The following EML1 variants were observed in gnomAD, a reference collection of about 807,000 sequenced individuals.
EML1 encodes echinoderm microtubule-associated protein-like 1.
Under a neutral mutation model 110.4 loss-of-function variants are expected in EML1, and 27 were observed. That is an observed-to-expected ratio of 0.24 (90% confidence interval 0.18 to 0.34). EML1 has a LOEUF of 0.34. EML1 is among the 10% of genes least tolerant of loss of function. The pLI, the probability that EML1 is intolerant of heterozygous loss-of-function variation, is 1.00. For synonymous variants in EML1, 344 were observed against 385.8 expected (o/e 0.89, Z 1.27); for missense variants, 741 against 1,030.9 (o/e 0.72, Z 3.85).
chr14:99,871,527 A>G (rs2059205113), intron 3 of EML1, among the ~76,000 whole-genome samples: 1 of 152,088 alleles, frequency 6.6e-6, no homozygotes, highest in South Asian at 2.1e-4. Flanking sequence ...GAAAAAAAAA[A>G]AAAAGAACAT....
intron 1 of EML1, among the ~76,000 whole-genome samples, chr14:99,800,363 ATTAT>A (rs2057852631): frequency 1.3e-5 from 2 of 151,372 alleles, no homozygotes; most frequent in African/African-American, 2.4e-5. Flanking sequence ...AGTTTAATTA[ATTAT>A]TTATTTTTTA....
intron 10 of EML1, among the ~76,000 whole-genome samples, chr14:99,908,064 G>A (rs753510888): frequency 1.3e-5 from 2 of 152,196 alleles, no homozygotes; most frequent in Admixed American, 6.5e-5. Flanking sequence ...GTGCTCGCAC[G>A]GCACGTGGAG....
intron 1 of EML1, among the ~76,000 whole-genome samples, chr14:99,785,380 A>G (rs1595277283): frequency 6.6e-6 from 1 of 152,306 alleles, no homozygotes; most frequent in African/African-American, 2.4e-5. Flanking sequence ...AAGGAGAATA[A>G]TCTTAACACT....
At position 99,761,019 on chromosome 14, in the gene EML1, C is replaced by G. The variant is rs553117132; in HGVS notation, c.28+23159C>G. Among the ~76,000 whole-genome samples, 32 of 152,194 alleles carry G rather than the reference C, an allele frequency of 2.1e-4. 1 individual carries two copies. Among genetic ancestry groups the G allele is most frequent in the African/African-American group, 7.5e-4 (31 of 41,528 alleles). On this transcript the variant is annotated intron_variant, in intron 1 of 10. Transcript: ENST00000554479. ...AGCCCTCTCAGACCAACCATGCCAA[C>G]CAAGGCTCGTAAAGTGTTTTCTCTG...
chr14:99,745,392 C>T (rs2057096652), intron 1 of EML1, among the ~76,000 whole-genome samples: 1 of 152,162 alleles, frequency 6.6e-6, no homozygotes, highest in African/African-American at 2.4e-5. Context: ...TGGGCGTGTA[C>T]ATACACATAT....
chr14:99,795,297 G>A (rs2057749451), intron 1 of EML1, among the ~76,000 whole-genome samples: 1 of 152,176 alleles, frequency 6.6e-6, no homozygotes, highest in African/African-American at 2.4e-5. Context: ...TATTGGCATG[G>A]TATTTTACTG....
intron 1 of EML1, among the ~76,000 whole-genome samples, chr14:99,787,822 CCTT>C (rs1267140455): frequency 6.6e-6 from 1 of 152,108 alleles, no homozygotes; most frequent in Non-Finnish European, 1.5e-5. Flanking sequence ...CCAAATTTCC[CCTT>C]CTTATAAGGA....
chr14:99,880,879 C>T (rs921270518), intron 4 of EML1, among the ~76,000 whole-genome samples: 4 of 152,142 alleles, frequency 2.6e-5, no homozygotes, highest in African/African-American at 9.7e-5. Flanking sequence ...AGTAAATGAT[C>T]GTCATCCCTG....
At chr14:99,872,854 G>C (rs1017872327) in intron 3 of EML1, among the ~76,000 whole-genome samples, 1 of 152,162 alleles carries the variant, frequency 6.6e-6, no homozygotes, top group Non-Finnish European at 1.5e-5. Context: ...AATTAAATGA[G>C]TTGGGGCATC....
intron 3 of EML1, among the ~76,000 whole-genome samples, chr14:99,875,702 A>G (rs765365781): frequency 6.6e-5 from 10 of 152,170 alleles, no homozygotes; most frequent in Admixed American, 2.6e-4. Context: ...GCCTTGTACT[A>G]AAGACTGGGC....
At position 99,859,670 on chromosome 14, in the gene EML1, C is replaced by T. The variant is rs553968627; in HGVS notation, c.251-5844C>T. On this transcript the variant is annotated intron_variant, in intron 2 of 21. Transcript: ENST00000262233. ...CTCTCCACTACCTCCCCCACTCTGC[C>T]TTGGTGTAAGCACAGGAAGTAAGTG... 5.3e-5 allele frequency among the ~76,000 whole-genome samples: 8 copies of T among 152,244 alleles called. No individual in the cohort carries two copies. The South Asian group carries it at 1.7e-3, about 32-fold the overall frequency.
At chr14:99,887,823 C>T (rs767872298) in intron 4 of EML1, among the ~76,000 whole-genome samples, 12 of 152,186 alleles carry the variant, frequency 7.9e-5, no homozygotes, top group East Asian at 1.9e-4. Flanking sequence ...TGAGAGGCCA[C>T]GGTGGCTTCA....
At chr14:99,822,646 A>G (rs971196541) in intron 1 of EML1, among the ~76,000 whole-genome samples, 1 of 152,078 alleles carries the variant, frequency 6.6e-6, no homozygotes, top group Non-Finnish European at 1.5e-5. Flanking sequence ...CCCCTCTTGT[A>G]GGTGATACCT....
intron 1 of EML1, among the ~76,000 whole-genome samples, chr14:99,835,848 G>A (rs988160806): frequency 4.6e-5 from 7 of 152,174 alleles, no homozygotes; most frequent in African/African-American, 1.7e-4. Flanking sequence ...CTAGTTGACT[G>A]TATTTGTGTG....
chr14:99,937,685 C>T, intron 19 of EML1, 132 bp from the exon 20 acceptor site: 1 of 712,846 alleles, frequency 1.4e-6, no homozygotes, highest in South Asian at 1.8e-5. Context: ...TCCTGCCCGA[C>T]TGGGAAGTGG....
chr14:99,904,272 A>G (rs8008880), intron 9 of EML1, among the ~76,000 whole-genome samples: 43,397 of 152,072 alleles, frequency 0.29, 7,551 homozygotes, highest in African/African-American at 0.47. Context: ...TTCACACAGA[A>G]TTTCTTTACA....
At chr14:99,755,180 A>C (rs1263528571) in intron 1 of EML1, among the ~76,000 whole-genome samples, 15 of 152,236 alleles carry the variant, frequency 9.9e-5, no homozygotes, top group Non-Finnish European at 1.3e-4. Flanking sequence ...GGTGGCATGA[A>C]TAATGGAAAG....
chr14:99,765,925 A>C (rs940620901), intron 1 of EML1, among the ~76,000 whole-genome samples: 3 of 152,052 alleles, frequency 2.0e-5, no homozygotes, highest in African/African-American at 7.3e-5. Flanking sequence ...TTAATAATTA[A>C]AGGTTAATAA....
At chr14:99,767,026 A>C (rs978805644) in intron 1 of EML1, among the ~76,000 whole-genome samples, 5 of 152,118 alleles carry the variant, frequency 3.3e-5, no homozygotes, top group Non-Finnish European at 7.3e-5. Flanking sequence ...CAGTCCCATA[A>C]TTCCCCCACC....
Sources: allele counts gnomAD v4.1 joint callset (sites outside exome capture counted in the v4.1 genomes callset), GRCh38; gene constraint gnomAD v4.1.1; transcripts MANE v1.5; gene names NCBI Gene and HGNC (gene_info 2026-07-23, HGNC 2026-07-21).